Variants in MIPEP observed in about 807,000 individuals in gnomAD.
MIPEP encodes the protein mitochondrial intermediate peptidase.
Under a neutral mutation model 90.3 loss-of-function variants are expected in MIPEP, and 79 were observed. The observed-to-expected ratio is 0.87, with a 90% confidence interval of 0.73 to 1.05. The LOEUF is 1.05. Ranked by LOEUF, MIPEP falls within the 50% of genes least tolerant of loss-of-function variation. The pLI is 0.00. For synonymous variants in MIPEP, 334 were observed against 315.8 expected, an observed-to-expected ratio of 1.06 and a Z score of -0.61; for missense variants, 940 against 905.6, an observed-to-expected ratio of 1.04 and a Z score of -0.49.
intron 18 of MIPEP, among the ~76,000 whole-genome samples, chr13:23,753,034 C>A (rs568323953): frequency 6.6e-6 from 1 of 152,190 alleles, no homozygotes; most frequent in Admixed American, 6.5e-5. Flanking sequence ...TCGAGACCAG[C>A]CTGGCCAACA....
At chr13:23,861,477 T>G (rs999015689) in intron 9 of MIPEP, among the ~76,000 whole-genome samples, 1 of 152,150 alleles carries the variant, frequency 6.6e-6, no homozygotes, top group Admixed American at 6.5e-5. Flanking sequence ...CAGACTGACA[T>G]GCTACTCTAC....
rs567179806 is a variant in MIPEP at position 23,730,309 on chromosome 13, T to G, written c.*39A>C. The G allele has an allele frequency of 7.6e-7, 1 of 1,312,432 alleles. No individual in the cohort carries two copies. Among genetic ancestry groups the G allele is most frequent in the African/African-American group, 1.5e-5 (1 of 68,050 alleles). The allele number at this position is 1,312,432 out of a possible 1,614,324, so 81.3% of individuals were successfully genotyped here. ...TGTAGCATTTATAACAAAGTCATTATCTACATGACCTTGATTTAAGAGGTG... is the reference window on the plus strand; with the variant it reads ...TGTAGCATTTATAACAAAGTCATTAGCTACATGACCTTGATTTAAGAGGTG... On this transcript the variant is annotated 3_prime_UTR_variant, in exon 19 of 19. Coordinates refer to ENST00000382172, the MANE Select transcript of MIPEP (RefSeq NM_005932.4).
chr13:23,789,116 G>A (rs9510859), intron 16 of MIPEP, among the ~76,000 whole-genome samples: 23,811 of 152,042 alleles, frequency 0.16, 1,998 homozygotes, highest in South Asian at 0.23. Context: ...CCAATGTTGG[G>A]ATTTTTAAAA....
chr13:23,846,866 T>G (rs557024481), intron 10 of MIPEP, among the ~76,000 whole-genome samples: 123 of 152,328 alleles, frequency 8.1e-4, no homozygotes, highest in African/African-American at 2.8e-3. Context: ...AACTAACATT[T>G]GGTGAGTACT....
intron 9 of MIPEP, among the ~76,000 whole-genome samples, chr13:23,862,082 A>G (rs1194351013): frequency 6.6e-6 from 1 of 152,198 alleles, no homozygotes; most frequent in African/African-American, 2.4e-5. Flanking sequence ...GTATATACAT[A>G]AAATATGTCG....
chr13:23,801,351 C>T (rs1424470936), intron 16 of MIPEP, among the ~76,000 whole-genome samples: 1 of 152,160 alleles, frequency 6.6e-6, no homozygotes, highest in Non-Finnish European at 1.5e-5. Context: ...TTCAATCTTC[C>T]ACTCCCCACA....
At chr13:23,854,683 G>A (rs187144092) in intron 10 of MIPEP, among the ~76,000 whole-genome samples, 1 of 152,224 alleles carries the variant, frequency 6.6e-6, no homozygotes, top group Non-Finnish European at 1.5e-5. Context: ...CTTGAGGCTA[G>A]GAATCTGAGA....
rs117293969 is a variant in MIPEP, at chr13:23,842,720, C to A, written c.1107-1232G>T. 1.4e-3 allele frequency among the ~76,000 whole-genome samples: 216 copies of A among 152,310 alleles called. 1 individual carries two copies. Among genetic ancestry groups the A allele is most frequent in the South Asian group, 2.5e-3 (12 of 4,824 alleles). On this transcript the variant is annotated intron_variant, in intron 10 of 18. Transcript: ENST00000382172. ...GTGCTGAAGCATGAACGAATGAGCA[C>A]TGCAAAATGGGAGGGCAAAGGAGAG...
chr13:23,850,949 AG>A (rs1869774253), intron 10 of MIPEP, among the ~76,000 whole-genome samples: 1 of 152,254 alleles, frequency 6.6e-6, no homozygotes, highest in Non-Finnish European at 1.5e-5. Context: ...CCTAGTGAGA[AG>A]GAACAAGTGG....
intron 2 of MIPEP, among the ~76,000 whole-genome samples, chr13:23,884,589 C>G (rs1751547034): frequency 6.6e-6 from 1 of 152,194 alleles, no homozygotes; most frequent in South Asian, 2.1e-4. Context: ...CACCCAGTGC[C>G]TTTCTTCCCT....
At chr13:23,730,625 A>G (rs1952194475) in intron 18 of MIPEP, among the ~76,000 whole-genome samples, 180 bp from the exon 19 acceptor site, 1 of 152,152 alleles carries the variant, frequency 6.6e-6, no homozygotes, top group Admixed American at 6.5e-5. Flanking sequence ...CCTTGGAGCT[A>G]TTTATAATTT....
At chr13:23,771,035 C>T (rs190400412) in intron 16 of MIPEP, among the ~76,000 whole-genome samples, 8 of 152,306 alleles carry the variant, frequency 5.3e-5, no homozygotes, top group Non-Finnish European at 1.0e-4. Context: ...GGACCCTGAC[C>T]TCATGGCTGC....
chr13:23,776,948 A>T (rs552511478), intron 16 of MIPEP, among the ~76,000 whole-genome samples: 1 of 152,364 alleles, frequency 6.6e-6, no homozygotes, highest in East Asian at 1.9e-4. Flanking sequence ...AAATGTACAT[A>T]CATGTATCTG....
Position 23,798,743 on chromosome 13 carries a change from T to C in MIPEP, c.1848+7207A>G, listed in dbSNP as rs578138218. Among the ~76,000 whole-genome samples, 9 of 152,222 alleles carry C rather than the reference T, an allele frequency of 5.9e-5. No individual in the cohort carries two copies. The South Asian group carries it at 1.9e-3, about 32-fold the overall frequency. On this transcript the variant is annotated intron_variant, in intron 16 of 18. Transcript: ENST00000382172. ...ACCTACCCTCTCTCTCTCTTGCTCC[T>C]GCTGCCATCATGTAAGACACCACTC...
intron 16 of MIPEP, among the ~76,000 whole-genome samples, chr13:23,796,103 T>C (rs1952957385): frequency 6.6e-6 from 1 of 152,126 alleles, no homozygotes; most frequent in Non-Finnish European, 1.5e-5. Context: ...ATGCTCTATA[T>C]ATCGAACAAA....
intron 16 of MIPEP, among the ~76,000 whole-genome samples, chr13:23,765,310 G>A (rs1952582276): frequency 6.6e-6 from 1 of 152,122 alleles, no homozygotes; most frequent in Non-Finnish European, 1.5e-5. Flanking sequence ...AGTTACCTAT[G>A]GTCAACTTCG....
At chr13:23,771,353 ATAAATATT>A (rs1348847643) in intron 16 of MIPEP, among the ~76,000 whole-genome samples, 4 of 152,232 alleles carry the variant, frequency 2.6e-5, no homozygotes, top group Non-Finnish European at 5.9e-5. Flanking sequence ...GGTGTCTTCA[ATAAATATT>A]TACACAAACA....
intron 5 of MIPEP, among the ~76,000 whole-genome samples, chr13:23,871,596 C>G (rs1017641775): frequency 1.3e-5 from 2 of 152,094 alleles, no homozygotes; most frequent in Non-Finnish European, 2.9e-5. Flanking sequence ...CTGTTCTATG[C>G]TCCTAAAAAA....
intron 16 of MIPEP, among the ~76,000 whole-genome samples, chr13:23,800,384 A>G (rs1280275071): frequency 1.3e-5 from 2 of 152,254 alleles, no homozygotes; most frequent in Non-Finnish European, 2.9e-5. Context: ...TCGCTTAGGG[A>G]AAATATTCTG....
Sources: gnomAD v4.1 joint callset for allele counts (sites outside exome capture counted in the v4.1 genomes callset) on GRCh38, gnomAD v4.1.1 for gene constraint, MANE v1.5 for transcripts, NCBI Gene and HGNC (gene_info 2026-07-23, HGNC 2026-07-21) for gene names.